CIMAP3: variants seen among roughly 807,000 people sequenced by gnomAD.
CIMAP3 encodes ciliary microtubule associated protein 3, also known as ciliary microtubule-associated protein 3.
chr1:111,328,748 T>C, the CIMAP3 span, among the ~76,000 whole-genome samples: 3 of 152,244 alleles, frequency 2.0e-5, no homozygotes, highest in Non-Finnish European at 4.4e-5. Context: ...TGTCATTACT[T>C]GTGAGATAAG....
chr1:111,351,740 A>C, the CIMAP3 span: 19 of 155,870 alleles, frequency 1.2e-4, no homozygotes, highest in African/African-American at 4.1e-4. Flanking sequence ...GAAAACACTT[A>C]AGGCAGATTA....
chr1:111,339,965 G>T, the CIMAP3 span, among the ~76,000 whole-genome samples: 1 of 151,582 alleles, frequency 6.6e-6, no homozygotes, highest in Non-Finnish European at 1.5e-5. Context: ...ATACTACAAG[G>T]CTCCAGTAAC....
chr1:111,342,155 C>A, the CIMAP3 span, among the ~76,000 whole-genome samples: 1 of 152,162 alleles, frequency 6.6e-6, no homozygotes, highest in Non-Finnish European at 1.5e-5. Context: ...AAGAGACGAT[C>A]CTAAAAGCGG....
At chr1:111,351,394 T>C in the CIMAP3 span, 3 of 1,313,468 alleles carry the variant, frequency 2.3e-6, no homozygotes, top group South Asian at 3.0e-5. Context: ...ACAGAGCTGC[T>C]CTTCTTCTTC....
the CIMAP3 span, chr1:111,350,301 G>A: frequency 5.1e-6 from 6 of 1,166,910 alleles, no homozygotes; most frequent in Admixed American, 2.2e-5. Context: ...CTTAATTAGG[G>A]GTCTGTGAAT....
the CIMAP3 span, chr1:111,351,326 G>A: frequency 4.4e-6 from 7 of 1,573,304 alleles, no homozygotes; most frequent in Non-Finnish European, 6.0e-6. Context: ...TATTATAATT[G>A]AGCGGCTGTA....
the CIMAP3 span, chr1:111,347,085 C>A: frequency 6.5e-7 from 1 of 1,548,104 alleles, no homozygotes; most frequent in East Asian, 2.3e-5. Context: ...CTCCTCAGTT[C>A]CCCGGCTATT....
At chr1:111,331,686 G>A in the CIMAP3 span, among the ~76,000 whole-genome samples, 3 of 151,296 alleles carry the variant, frequency 2.0e-5, no homozygotes, top group Admixed American at 1.3e-4. Context: ...TTTTGGGGGG[G>A]GCATTCCATA....
the CIMAP3 span, chr1:111,349,926 G>A: frequency 1.7e-5 from 9 of 534,282 alleles, no homozygotes; most frequent in East Asian, 2.6e-4. Flanking sequence ...GATGTTTAAC[G>A]CTAACATCTA....
At chr1:111,347,631 T>TTTTTTTGGTG in the CIMAP3 span, 1 of 1,201,680 alleles carries the variant, frequency 8.3e-7, no homozygotes, top group Non-Finnish European at 1.2e-6. Context: ...TCTTTTTTTT[T>TTTTTTTGGTG]TTTTTTGGTG....
At chr1:111,339,653 G>A in the CIMAP3 span, among the ~76,000 whole-genome samples, 1 of 151,852 alleles carries the variant, frequency 6.6e-6, no homozygotes, top group East Asian at 1.9e-4. Context: ...TACAAGGGAT[G>A]TGAAGGACCT....
chr1:111,349,980 A>G, the CIMAP3 span: 5 of 675,764 alleles, frequency 7.4e-6, no homozygotes, highest in African/African-American at 5.4e-5. Context: ...TGCTTAATTA[A>G]AAAGCTAATC....
chr1:111,332,298 G>C, the CIMAP3 span, among the ~76,000 whole-genome samples: 1 of 152,188 alleles, frequency 6.6e-6, no homozygotes, highest in Non-Finnish European at 1.5e-5. Flanking sequence ...GTCTGTCTGG[G>C]ACCCAGCTCT....
chr1:111,339,661 C>A, the CIMAP3 span, among the ~76,000 whole-genome samples: 1 of 151,768 alleles, frequency 6.6e-6, no homozygotes, highest in East Asian at 1.9e-4. Flanking sequence ...ATGTGAAGGA[C>A]CTCTTCAAGG....
chr1:111,333,096 C>T, the CIMAP3 span, among the ~76,000 whole-genome samples: 1 of 152,242 alleles, frequency 6.6e-6, no homozygotes, highest in African/African-American at 2.4e-5. Flanking sequence ...ATGTCAGATG[C>T]TCAGAGGCTT....
At chr1:111,346,834 GACC>G in the CIMAP3 span, 1 of 1,587,538 alleles carries the variant, frequency 6.3e-7, no homozygotes, top group Non-Finnish European at 8.6e-7. Context: ...CAGTCTCCCC[GACC>G]TTCCCCTCCC....
At chr1:111,347,802 C>T in the CIMAP3 span, 5 of 1,508,206 alleles carry the variant, frequency 3.3e-6, no homozygotes, top group Middle Eastern at 1.7e-4. Context: ...GTGTTATCCA[C>T]GTTGTTGCAT....
the CIMAP3 span, chr1:111,347,618 C>CTT: frequency 0.1 from 90,813 of 904,668 alleles, 4,780 homozygotes; most frequent in East Asian, 0.28. Context: ...GTTGTTTTTT[C>CTT]TTTCTTTTTT....
the CIMAP3 span, among the ~76,000 whole-genome samples, chr1:111,337,477 G>A: frequency 6.6e-6 from 1 of 152,092 alleles, no homozygotes; most frequent in East Asian, 1.9e-4. Context: ...GACACACATA[G>A]GCTCAAAATA....
Sources: allele counts gnomAD v4.1 joint callset (sites outside exome capture counted in the v4.1 genomes callset), GRCh38; gene constraint gnomAD v4.1.1; transcripts MANE v1.5; gene names NCBI Gene and HGNC (gene_info 2026-07-23, HGNC 2026-07-21).